BUB1B: variants seen among roughly 807,000 people sequenced by gnomAD.
BUB1B encodes the protein BUB1 mitotic checkpoint serine/threonine kinase B.
Under a neutral mutation model 137.7 loss-of-function variants are expected in BUB1B, and 86 were observed. That is an observed-to-expected ratio of 0.62 (90% CI 0.52 to 0.75). The LOEUF (loss-of-function observed/expected upper bound fraction) is 0.75, where lower values mean the gene tolerates loss of function less well. Among genes scored for constraint, BUB1B ranks in the 30% least tolerant of loss-of-function variants. BUB1B has a pLI of 0.00. For missense variants in BUB1B, 1,130 were observed against 1,236.9 expected (o/e 0.91, Z 1.30); for synonymous variants, 420 against 417.9 (o/e 1.00, Z -0.06).
chr15:40,213,277 A>G, intron 19 of BUB1B, 55 bp from the exon 20 acceptor site: 1 of 1,596,370 alleles, frequency 6.3e-7, no homozygotes, highest in Non-Finnish European at 8.6e-7. Context: ...TATTGAGTAT[A>G]ACTACGATCT....
intron 2 of BUB1B, 55 bp downstream of exon 2, chr15:40,165,251 T>A: frequency 6.2e-7 from 1 of 1,611,710 alleles, no homozygotes; most frequent in Non-Finnish European, 8.5e-7. Context: ...ATGTTGTAGA[T>A]AACGTGGGTG....
At chr15:40,166,296 T>C in intron 2 of BUB1B, 1 of 418,716 alleles carries the variant, frequency 2.4e-6, no homozygotes. Flanking sequence ...GCTATGGACA[T>C]TCTTGAACAA....
chr15:40,213,557 C>A, intron 20 of BUB1B, 83 bp downstream of exon 20: 2 of 1,480,642 alleles, frequency 1.4e-6, no homozygotes, highest in South Asian at 1.1e-5. Context: ...TTTTTTGAGG[C>A]GAGGGTCTCA....
chr15:40,180,483 C>A (rs947957225), intron 5 of BUB1B, among the ~76,000 whole-genome samples: 2 of 151,688 alleles, frequency 1.3e-5, no homozygotes, highest in African/African-American at 4.8e-5. Context: ...CCAGGCTGGT[C>A]TCAAACTCCT....
intron 2 of BUB1B, among the ~76,000 whole-genome samples, chr15:40,169,678 A>T (rs753839951): frequency 1.4e-5 from 2 of 145,312 alleles, no homozygotes; most frequent in South Asian, 4.3e-4. Flanking sequence ...CAGTGCTGCA[A>T]TCTCTGCTCA....
intron 5 of BUB1B, among the ~76,000 whole-genome samples, chr15:40,180,758 T>G (rs887449996): frequency 2.1e-5 from 3 of 141,656 alleles, no homozygotes; most frequent in African/African-American, 7.7e-5. Context: ...TACGCCATTC[T>G]CCTGCCTCAG....
chr15:40,217,075 T>C (rs1216598845), intron 20 of BUB1B, among the ~76,000 whole-genome samples: 3 of 152,224 alleles, frequency 2.0e-5, no homozygotes, highest in African/African-American at 7.2e-5. Context: ...TTGGAAAGCC[T>C]ATCTGGAATA....
intron 2 of BUB1B, among the ~76,000 whole-genome samples, chr15:40,168,259 C>G (rs1379957107): frequency 6.6e-6 from 1 of 151,820 alleles, no homozygotes; most frequent in Non-Finnish European, 1.5e-5. Flanking sequence ...CCCAGCTACT[C>G]GGGAGGCTGA....
At chr15:40,163,508 A>G (rs1021260651) in intron 1 of BUB1B, among the ~76,000 whole-genome samples, 3 of 152,154 alleles carry the variant, frequency 2.0e-5, no homozygotes, top group Non-Finnish European at 4.4e-5. Context: ...TAGTGTTACT[A>G]TTTGTTTTTT....
intron 12 of BUB1B, among the ~76,000 whole-genome samples, chr15:40,201,964 C>G (rs374631531): frequency 7.9e-5 from 12 of 152,104 alleles, no homozygotes; most frequent in African/African-American, 2.7e-4. Flanking sequence ...CCACCACACC[C>G]GGCCAAAACA....
In BUB1B at chr15:40,208,746, C is replaced by T. The variant is rs1595532945; in HGVS notation, c.2119C>T (p.Leu707=). 3.1e-6 allele frequency: 5 copies of T among 1,613,118 alleles called. No homozygotes were observed. The highest frequency in any genetic ancestry group is 4.2e-6 in the Non-Finnish European group (5 of 1,179,096). The change falls in exon 16 of 23, where the codon CTA becomes TTA. Residue 707 remains leucine, a synonymous_variant. Transcript: ENST00000287598. ...SIKCLQIPEK[L]ELTNETSENP... is the part of the protein sequence containing the mutation. Reference sequence around the variant, plus strand: ...CAAATGTCTTCAAATTCCTGAGAAACTAGAACTTACTAATGAGACTTCAGG... The same window carrying T: ...CAAATGTCTTCAAATTCCTGAGAAATTAGAACTTACTAATGAGACTTCAGG...
At chr15:40,218,391 C>A in intron 21 of BUB1B, 65 bp from the exon 22 acceptor site, 1 of 1,221,946 alleles carries the variant, frequency 8.2e-7, no homozygotes, top group Non-Finnish European at 1.2e-6. Flanking sequence ...AACTTCCTAC[C>A]GAAATAAGCT....
chr15:40,169,880 C>T (rs780270404), intron 2 of BUB1B, among the ~76,000 whole-genome samples, 182 bp from the exon 3 acceptor site: 2 of 151,974 alleles, frequency 1.3e-5, no homozygotes, highest in Non-Finnish European at 2.9e-5. Context: ...CCCAAAGTGT[C>T]GGGATTACAG....
chr15:40,191,117 G>T (rs1481209944), intron 8 of BUB1B, among the ~76,000 whole-genome samples: 3 of 151,970 alleles, frequency 2.0e-5, no homozygotes, highest in African/African-American at 7.3e-5. Context: ...CGAACTCTTG[G>T]GCTCAAGTGA....
rs961462683 is a variant in BUB1B, at chr15:40,161,094, A to G, written c.-127A>G. 1.6e-5 allele frequency: 20 copies of G among 1,281,722 alleles called. No homozygotes were observed. The Admixed American group carries it at 4.6e-4, about 29-fold the overall frequency. 79.4% of individuals were successfully genotyped at this position (1,281,722 alleles called of 1,614,324 possible). A position where few individuals can be genotyped will look rare whatever the true frequency, so the allele number is the denominator to read the frequency against. On this transcript the variant is annotated 5_prime_UTR_variant, in exon 1 of 23. Transcript: ENST00000287598. ...GTGGGCTTGAGGTGGCCGGTTTGTTAGGGAGTCGTGTACGTGCCTTGGTCG... is the reference window on the plus strand; with the variant it reads ...GTGGGCTTGAGGTGGCCGGTTTGTTGGGGAGTCGTGTACGTGCCTTGGTCG...
intron 8 of BUB1B, among the ~76,000 whole-genome samples, chr15:40,188,248 A>G (rs919797916): frequency 6.6e-6 from 1 of 152,064 alleles, no homozygotes; most frequent in African/African-American, 2.4e-5. Flanking sequence ...GGGTTTCACC[A>G]TGTTGGTCAG....
At chr15:40,199,056 G>A (rs2037532377) in intron 9 of BUB1B, among the ~76,000 whole-genome samples, 1 of 152,186 alleles carries the variant, frequency 6.6e-6, no homozygotes, top group Admixed American at 6.5e-5. Flanking sequence ...GTCTTTTCCT[G>A]CATTGGGGCC....
intron 20 of BUB1B, among the ~76,000 whole-genome samples, chr15:40,216,571 A>ATATTT (rs1457484634): frequency 3.5e-4 from 29 of 83,024 alleles, no homozygotes; most frequent in African/African-American, 1.5e-3. Context: ...ATATATATAT[A>ATATTT]TTTTTTTTTT....
Position 40,208,722 on chromosome 15 carries a change from A to G in BUB1B, c.2095A>G (p.Lys699Glu), listed in dbSNP as rs780908763. 6.2e-7 allele frequency: 1 copy of G among 1,613,654 alleles called. No homozygotes were observed. The highest frequency in any genetic ancestry group is 8.5e-7 in the Non-Finnish European group (1 of 1,179,554). Residue 699 changes from lysine (K) to glutamate (E), a missense_variant, in exon 16 of 23, where the codon AAA (lysine) becomes GAA (glutamate). Transcript: ENST00000287598. ...CTCGGTTGCAAGCACCTCCTCCATCAAATGTCTTCAAATTCCTGAGAAACT... is the reference window on the plus strand; with the variant it reads ...CTCGGTTGCAAGCACCTCCTCCATCGAATGTCTTCAAATTCCTGAGAAACT... ...SASVASTSSI[K>E]CLQIPEKLEL...
Sources: gnomAD v4.1 joint callset for allele counts (sites outside exome capture counted in the v4.1 genomes callset) on GRCh38, gnomAD v4.1.1 for gene constraint, MANE v1.5 for transcripts, NCBI Gene and HGNC (gene_info 2026-07-23, HGNC 2026-07-21) for gene names.